Variants in ZBTB4 observed in about 807,000 individuals in gnomAD.
ZBTB4 encodes zinc finger and BTB domain containing 4.
ZBTB4 carries 14 observed loss-of-function variants against 59.8 expected under a neutral mutation model. The observed-to-expected ratio is 0.23, with a 90% CI of 0.15 to 0.37. The LOEUF is 0.37. ZBTB4 is among the 10% of genes least tolerant of loss of function. ZBTB4 has a pLI of 1.00. For missense variants in ZBTB4, 1,198 were observed against 1,380.8 expected, an observed-to-expected ratio of 0.87 and a Z score of 2.10; for synonymous variants, 587 against 575.2, an observed-to-expected ratio of 1.02 and a Z score of -0.29.
upstream of ZBTB4, chr17:7,482,172 A>T: frequency 6.2e-7 from 1 of 1,614,008 alleles, no homozygotes; most frequent in Non-Finnish European, 8.5e-7. Flanking sequence ...ATGGCTTACC[A>T]GGCTTCCAAC....
intron 2 of ZBTB4, 52 bp downstream of exon 2, chr17:7,467,205 G>A: frequency 2.9e-6 from 3 of 1,024,592 alleles, no homozygotes; most frequent in Middle Eastern, 4.8e-4. Flanking sequence ...CTGCTGGCCT[G>A]CTGCCTTGGG....
chr17:7,465,633 C>T, intron 3 of ZBTB4, 78 bp downstream of exon 3: 1 of 1,494,702 alleles, frequency 6.7e-7, no homozygotes, highest in Non-Finnish European at 8.9e-7. Flanking sequence ...GCCCCAAGCC[C>T]CACCCACTGC....
At chr17:7,483,080 A>C, upstream of ZBTB4, 1 of 1,590,618 alleles carries the variant, frequency 6.3e-7, no homozygotes, top group Non-Finnish European at 8.6e-7. Flanking sequence ...TGGGAGGAGA[A>C]GTGACTGGAA....
upstream of ZBTB4, among the ~76,000 whole-genome samples, chr17:7,479,874 CAAGA>C: frequency 6.6e-6 from 1 of 151,908 alleles, no homozygotes; most frequent in Non-Finnish European, 1.5e-5. Flanking sequence ...GGCAGGGGCG[CAAGA>C]CCACCGACCC....
intron 1 of ZBTB4, among the ~76,000 whole-genome samples, chr17:7,475,041 G>A (rs1325605878): frequency 1.5e-5 from 2 of 134,286 alleles, no homozygotes; most frequent in African/African-American, 5.7e-5. Context: ...AAAAAGGCCA[G>A]GTATGGCCAA....
Position 7,463,175 on chromosome 17 carries a change from G to C in ZBTB4, c.1807C>G (p.Gln603Glu), listed in dbSNP as rs1234864695. ...TCCTCCCCTATTCGCACAGTGATCTGACACAGTGGAGGTGGAGCCTGCAGC... is the reference window on the plus strand; with the variant it reads ...TCCTCCCCTATTCGCACAGTGATCTCACACAGTGGAGGTGGAGCCTGCAGC... ...SQLQAPPPLC[Q>E]ITVRIGEEAI... Residue 603 changes from glutamine (Q) to glutamate (E), a missense_variant, in exon 4 of 4, where the codon CAG (glutamine) becomes GAG (glutamate). Transcript: ENST00000380599. The C allele has an allele frequency of 6.2e-7, 1 of 1,607,302 alleles. No homozygotes were observed. The highest frequency in any genetic ancestry group is 2.2e-5 in the East Asian group (1 of 44,794).
At position 7,465,716 on chromosome 17, in the gene ZBTB4, C is replaced by T. The variant is rs139137598; in HGVS notation, c.1086G>A (p.Glu362=). Residue 362 remains glutamate, a synonymous_variant, in exon 3 of 4, where the codon GAG becomes GAA. Transcript: ENST00000380599. ...CGCCAGCCTGGATCACTCACCTGCG[C>T]TCCCCCGTGTGCCACACTTCATGCT... ...RTKHEVWHTG[E]RRYQCIFCWE... is the part of the protein sequence containing the mutation. 291 of 1,598,488 alleles carry T rather than the reference C, an allele frequency of 1.8e-4. No homozygotes were observed. Among genetic ancestry groups the T allele is most frequent in the Non-Finnish European group, 2.3e-4 (267 of 1,169,598 alleles).
At position 7,462,513 on chromosome 17, in the gene ZBTB4, T is replaced by C. The variant is rs1221294352; in HGVS notation, c.2469A>G (p.Gln823=). Reference sequence around the variant, plus strand: ...CTGCCTCACCGCTGGATGAGGAGACTTGCATCTCTTGGGGGGCTTCCTCCT... The same window carrying C: ...CTGCCTCACCGCTGGATGAGGAGACCTGCATCTCTTGGGGGGCTTCCTCCT... ...DVKEEAPQEM[Q]VSSSSGEAGG... The change falls in exon 4 of 4, where the codon CAA becomes CAG. Residue 823 remains glutamine (Q), a synonymous_variant. Coordinates refer to ENST00000380599, the MANE Select transcript of ZBTB4 (RefSeq NM_001128833.2). This position sits in a 1 kb window ranked among gnomAD's most constrained non-coding sequence, Gnocchi z 7.5. The C allele has an allele frequency of 1.2e-6, 2 of 1,613,856 alleles. No individual in the cohort carries two copies. The highest frequency in any genetic ancestry group is 1.3e-5 in the African/African-American group (1 of 74,918).
chr17:7,472,337 C>T (rs2070209574), intron 1 of ZBTB4, among the ~76,000 whole-genome samples: 1 of 151,988 alleles, frequency 6.6e-6, no homozygotes, highest in African/African-American at 2.4e-5. Flanking sequence ...ATTACAGGCG[C>T]CTGCCACCAC....
intron 2 of ZBTB4, among the ~76,000 whole-genome samples, chr17:7,467,022 G>A (rs2070137853): frequency 6.6e-6 from 1 of 152,182 alleles, no homozygotes; most frequent in Non-Finnish European, 1.5e-5. Flanking sequence ...TTCTGAGGCT[G>A]GAAGAGGCCA....
chr17:7,464,167 C>G (rs543414586), intron 3 of ZBTB4, among the ~76,000 whole-genome samples: 2 of 152,184 alleles, frequency 1.3e-5, no homozygotes, highest in African/African-American at 4.8e-5. Context: ...AAACGACTTA[C>G]GAACAGGGAC....
upstream of ZBTB4, chr17:7,482,609 G>T (rs752239405): frequency 1.9e-6 from 3 of 1,611,998 alleles, no homozygotes; most frequent in Admixed American, 5.0e-5. Context: ...GGGGCTTCTG[G>T]TCTATCGTTC....
At chr17:7,464,034 T>G (rs2070075856) in intron 3 of ZBTB4, 144 bp from the exon 4 acceptor site, 4 of 1,415,148 alleles carry the variant, frequency 2.8e-6, no homozygotes, top group Non-Finnish European at 3.7e-6. Context: ...CCAGCCTCAG[T>G]GCAGGGTGCC....
At chr17:7,483,694 T>C (rs571674554), upstream of ZBTB4, among the ~76,000 whole-genome samples, 11 of 152,334 alleles carry the variant, frequency 7.2e-5, no homozygotes, top group South Asian at 2.1e-3. Context: ...TAATCTGCTT[T>C]TCTCGGATTG....
At chr17:7,483,421 C>T, upstream of ZBTB4, 1 of 274,254 alleles carries the variant, frequency 3.6e-6, no homozygotes, top group South Asian at 4.1e-5. Context: ...GCAAAGGTTT[C>T]CTTTCCTCGT....
upstream of ZBTB4, among the ~76,000 whole-genome samples, chr17:7,480,508 A>G (rs1294458146): frequency 1.3e-5 from 2 of 151,712 alleles, no homozygotes; most frequent in Non-Finnish European, 2.9e-5. Context: ...TCACGAGGTC[A>G]GGAGATCGAG....
At position 7,462,273 on chromosome 17, in the gene ZBTB4, C is replaced by T. The variant is rs762067325; in HGVS notation, c.2709G>A (p.Glu903=). ...CCCCTATCCCCTCCATCCGGTCCCC[C>T]TCACCAGCCCCCACTGGCCCTTCAC... ...SGSEGPVGAG[E]GDRMEGIGAA... The change falls in exon 4 of 4, where the codon GAG becomes GAA. Residue 903 remains glutamate, a synonymous_variant. Transcript: ENST00000380599. The surrounding 1 kb of genome is among the most constrained non-coding windows in gnomAD (Gnocchi z 7.5). The T allele has an allele frequency of 1.2e-6, 2 of 1,613,830 alleles. No individual in the cohort carries two copies. Among genetic ancestry groups the T allele is most frequent in the South Asian group, 1.1e-5 (1 of 91,088 alleles).
At chr17:7,480,405 G>A (rs1199036274), upstream of ZBTB4, among the ~76,000 whole-genome samples, 1 of 152,188 alleles carries the variant, frequency 6.6e-6, no homozygotes, top group East Asian at 1.9e-4. Context: ...GAGGAGCCAG[G>A]GTTCACAGCT....
chr17:7,471,266 C>G (rs1201645543), intron 1 of ZBTB4, among the ~76,000 whole-genome samples: 1 of 152,140 alleles, frequency 6.6e-6, no homozygotes, highest in African/African-American at 2.4e-5. Context: ...TCACTGCAGC[C>G]TGGACCTCCT....
Sources: allele counts gnomAD v4.1 joint callset (sites outside exome capture counted in the v4.1 genomes callset), GRCh38; gene constraint gnomAD v4.1.1; non-coding constraint Gnocchi (gnomAD v3.1); transcripts MANE v1.5; gene names NCBI Gene and HGNC (gene_info 2026-07-23, HGNC 2026-07-21).